Variants in KAZN observed in about 807,000 individuals in gnomAD.
The protein encoded by KAZN is kazrin.
A neutral mutation model predicts 87.4 loss-of-function variants in KAZN; 40 were observed. That is an observed-to-expected ratio of 0.46 (90% CI 0.36 to 0.60). The LOEUF is 0.60. Ranked by LOEUF, KAZN falls within the 20% of genes least tolerant of loss-of-function variation. The pLI is 0.00. For missense variants in KAZN, 898 were observed against 1,073.9 expected, an observed-to-expected ratio of 0.84 and a Z score of 2.29; for synonymous variants, 466 against 458.3, an observed-to-expected ratio of 1.02 and a Z score of -0.22.
At chr1:14,823,851 C>T (rs900471061) in intron 1 of KAZN, among the ~76,000 whole-genome samples, 1 of 152,194 alleles carries the variant, frequency 6.6e-6, no homozygotes, top group African/African-American at 2.4e-5. Context: ...TGGTGGCTTG[C>T]GCCTGTGATC....
intron 1 of KAZN, among the ~76,000 whole-genome samples, chr1:14,919,365 C>G (rs796542747): frequency 3.6e-4 from 55 of 152,294 alleles, no homozygotes; most frequent in African/African-American, 1.2e-3. Context: ...TTAGGAGAGA[C>G]AGGGTTTCAC....
chr1:15,072,803 T>C (rs1315155712), intron 8 of KAZN, among the ~76,000 whole-genome samples: 2 of 152,116 alleles, frequency 1.3e-5, no homozygotes, highest in African/African-American at 4.8e-5. Context: ...AACTTTGCTG[T>C]GTAGTCTCAG....
chr1:14,402,152 CTT>C (rs764279759), intron 2 of KAZN, among the ~76,000 whole-genome samples: 66 of 150,738 alleles, frequency 4.4e-4, no homozygotes, highest in Admixed American at 1.1e-3. Flanking sequence ...AGTCCAATGA[CTT>C]TTAGTTCTAA....
At chr1:14,534,946 C>G (rs1315820313) in intron 2 of KAZN, among the ~76,000 whole-genome samples, 1 of 152,182 alleles carries the variant, frequency 6.6e-6, no homozygotes, top group African/African-American at 2.4e-5. Flanking sequence ...CCATTTCATA[C>G]CAGCCATATC....
At chr1:14,836,237 A>C (rs1647255210) in intron 1 of KAZN, among the ~76,000 whole-genome samples, 1 of 152,128 alleles carries the variant, frequency 6.6e-6, no homozygotes, top group Non-Finnish European at 1.5e-5. Flanking sequence ...GGGTGGAGAG[A>C]AGCCAGGAGG....
In KAZN at chr1:15,066,694, G is replaced by A. The variant is rs1220601558; in HGVS notation, c.1222+941G>A. The A allele has an allele frequency of 1.0e-6, 1 of 985,290 alleles. No individual in the cohort carries two copies. The highest frequency in any genetic ancestry group is 1.7e-5 in the African/African-American group (1 of 57,224). The allele number at this position is 985,290 out of a possible 1,614,324, so 61.0% of individuals were successfully genotyped here. On this transcript the variant is annotated intron_variant, in intron 8 of 14. Coordinates refer to ENST00000376030, the MANE Select transcript of KAZN (RefSeq NM_201628.3). The surrounding 1 kb of genome is among the most constrained non-coding windows in gnomAD (Gnocchi z 4.3). ...GGGTGGGCGGGAGGTGGGTGTCTCT[G>A]TTGACTTGTCTGTTCTGTTACCATG...
chr1:15,051,937 G>C (rs1161086703), intron 4 of KAZN, among the ~76,000 whole-genome samples: 2 of 152,216 alleles, frequency 1.3e-5, no homozygotes, highest in East Asian at 3.8e-4. Flanking sequence ...TTGTCAAATG[G>C]ATGCATTTGT....
chr1:14,075,354 G>C (rs1432112690), intron 1 of KAZN, among the ~76,000 whole-genome samples: 1 of 152,116 alleles, frequency 6.6e-6, no homozygotes, highest in Non-Finnish European at 1.5e-5. Context: ...TGCGCTAATG[G>C]TTGTTTCCCA....
At chr1:14,805,978 C>T (rs1156715850) in intron 1 of KAZN, among the ~76,000 whole-genome samples, 1 of 152,084 alleles carries the variant, frequency 6.6e-6, no homozygotes, top group African/African-American at 2.4e-5. Flanking sequence ...AGTAAGGGCT[C>T]AGTGGATGGT....
chr1:14,709,823 C>T (rs144051085), intron 1 of KAZN, among the ~76,000 whole-genome samples: 9 of 152,288 alleles, frequency 5.9e-5, no homozygotes, highest in Middle Eastern at 3.4e-3. Context: ...GGTGCCTTTT[C>T]TTATGAACAT....
At chr1:14,124,709 G>GT (rs5772563) in intron 1 of KAZN, among the ~76,000 whole-genome samples, 84,093 of 152,066 alleles carry the variant, frequency 0.55, 24,351 homozygotes, top group East Asian at 0.74. Flanking sequence ...TGCTGGCAAT[G>GT]TTGGTGTGGA....
chr1:14,069,485 TGTAA>T (rs1207938453), intron 1 of KAZN, among the ~76,000 whole-genome samples: 2 of 152,316 alleles, frequency 1.3e-5, no homozygotes, highest in Non-Finnish European at 2.9e-5. Flanking sequence ...CAAACCCCCA[TGTAA>T]TTACAAATAT....
intron 2 of KAZN, among the ~76,000 whole-genome samples, chr1:14,185,945 G>A (rs1271531671): frequency 6.6e-6 from 1 of 152,156 alleles, no homozygotes; most frequent in African/African-American, 2.4e-5. Flanking sequence ...CAAGACACAG[G>A]TCGAGTTGGA....
rs146407175 is a variant in KAZN, at chr1:13,980,773, T to C, written c.91+87017T>C. Among the ~76,000 whole-genome samples the C allele has an allele frequency of 3.4e-3, 521 of 152,250 alleles. 2 individuals carry two copies. The highest frequency in any genetic ancestry group is 0.01 in the African/African-American group (428 of 41,570). On this transcript the variant is annotated intron_variant, in intron 1 of 16. Transcript: ENST00000636203. The stretch of plus-strand genomic sequence containing the variant: ...GTTGTAGTCAGACAGCAGTTGGAGC[T>C]TGGCTCACCTTGAAGCCTTCTTCAC...
At chr1:13,922,259 G>A (rs1259013208) in intron 1 of KAZN, among the ~76,000 whole-genome samples, 1 of 152,062 alleles carries the variant, frequency 6.6e-6, no homozygotes, top group Non-Finnish European at 1.5e-5. Flanking sequence ...TATTTTTCCA[G>A]TAAAGTTCTG....
chr1:15,083,533 C>A (rs1640108146), intron 8 of KAZN, among the ~76,000 whole-genome samples: 1 of 152,196 alleles, frequency 6.6e-6, no homozygotes, highest in South Asian at 2.1e-4. Flanking sequence ...AATATGCAGG[C>A]ACTGTACGGT....
At chr1:14,906,012 C>CA (rs1428947068) in intron 1 of KAZN, among the ~76,000 whole-genome samples, 1 of 151,518 alleles carries the variant, frequency 6.6e-6, no homozygotes, top group Non-Finnish European at 1.5e-5. Context: ...ACTAAAAATA[C>CA]AAAAATTAGC....
intron 2 of KAZN, among the ~76,000 whole-genome samples, chr1:14,489,237 G>A (rs574006798): frequency 2.0e-3 from 297 of 152,012 alleles, no homozygotes; most frequent in African/African-American, 6.7e-3. Context: ...TTTGACTAGA[G>A]ATAATCACGG....
intron 2 of KAZN, among the ~76,000 whole-genome samples, chr1:14,551,029 G>A (rs1436421874): frequency 1.3e-5 from 2 of 151,870 alleles, no homozygotes; most frequent in Non-Finnish European, 2.9e-5. Context: ...ACTTTATCCA[G>A]CAAATGGCCT....
Sources: gnomAD v4.1 joint callset for allele counts (sites outside exome capture counted in the v4.1 genomes callset) on GRCh38, gnomAD v4.1.1 for gene constraint, Gnocchi (gnomAD v3.1) non-coding constraint, MANE v1.5 for transcripts, NCBI Gene and HGNC (gene_info 2026-07-23, HGNC 2026-07-21) for gene names.